Variants in AGBL1 observed in about 807,000 individuals in gnomAD.
AGBL1 encodes the protein cytosolic carboxypeptidase 4.
AGBL1 carries 130 observed loss-of-function variants against 118.9 expected under a neutral mutation model. That is an observed-to-expected ratio of 1.09 (90% confidence interval 0.95 to 1.26). AGBL1 has a LOEUF of 1.26. AGBL1 is among the 50% of genes most tolerant of loss of function. AGBL1 has a pLI of 0.00. For missense variants in AGBL1, 1,584 were observed against 1,298.1 expected (o/e 1.22, Z -3.38); for synonymous variants, 555 against 478.9 (o/e 1.16, Z -2.08).
At chr15:86,806,882 T>C (rs1363594618) in intron 22 of AGBL1, among the ~76,000 whole-genome samples, 2 of 151,932 alleles carry the variant, frequency 1.3e-5, no homozygotes, top group East Asian at 1.9e-4. Flanking sequence ...CTGTGTTATA[T>C]ACAATACGTG....
At position 86,466,821 on chromosome 15, in the gene AGBL1, G is replaced by A. The variant is rs184707532; in HGVS notation, c.2556-55989G>A. Among the ~76,000 whole-genome samples, 1,155 of 152,302 alleles carry A rather than the reference G, an allele frequency of 7.6e-3. 5 individuals are homozygous for A. Among genetic ancestry groups the A allele is most frequent in the Non-Finnish European group, 0.012 (829 of 68,032 alleles). On this transcript the variant is annotated intron_variant, in intron 18 of 22. Transcript: ENST00000614907. ...TCCTATATGCCTGGGTATCAGCAGT[G>A]GAGGCTGCAGAACAGCAAAAATTGC...
chr15:86,723,465 T>A (rs1336061042), intron 22 of AGBL1, among the ~76,000 whole-genome samples: 1 of 151,794 alleles, frequency 6.6e-6, no homozygotes, highest in Non-Finnish European at 1.5e-5. Flanking sequence ...TGAGAACACA[T>A]GGACACAGGA....
At chr15:86,317,408 G>T (rs2080030284) in intron 17 of AGBL1, among the ~76,000 whole-genome samples, 1 of 152,208 alleles carries the variant, frequency 6.6e-6, no homozygotes, top group Admixed American at 6.5e-5. Context: ...GAAGCAATGA[G>T]AGAAAGGAAG....
chr15:86,573,984 CA>C (rs2084046209), intron 21 of AGBL1, among the ~76,000 whole-genome samples: 1 of 152,024 alleles, frequency 6.6e-6, no homozygotes, highest in Admixed American at 6.6e-5. Flanking sequence ...AAAACATTTT[CA>C]TAAACTTTAT....
intron 17 of AGBL1, among the ~76,000 whole-genome samples, chr15:86,327,989 AT>A (rs2080210305): frequency 6.6e-6 from 1 of 152,230 alleles, no homozygotes; most frequent in Admixed American, 6.5e-5. Context: ...CCATACCTAT[AT>A]GAGCAAGCTT....
chr15:86,225,188 A>T (rs889961445), intron 6 of AGBL1, among the ~76,000 whole-genome samples: 2 of 152,040 alleles, frequency 1.3e-5, no homozygotes, highest in African/African-American at 4.8e-5. Flanking sequence ...AATAAATATT[A>T]TCCATACACA....
intron 17 of AGBL1, among the ~76,000 whole-genome samples, chr15:86,349,405 A>G (rs1252080322): frequency 2.6e-5 from 4 of 152,192 alleles, no homozygotes; most frequent in African/African-American, 9.7e-5. Flanking sequence ...TCTTAAGTCT[A>G]TAGGTCTCCT....
intron 17 of AGBL1, among the ~76,000 whole-genome samples, chr15:86,322,573 T>C (rs557599792): frequency 6.6e-6 from 1 of 152,340 alleles, no homozygotes; most frequent in South Asian, 2.1e-4. Flanking sequence ...CTAGTTTTTA[T>C]TTGTAATATC....
chr15:86,169,029 G>A (rs1047368342), intron 5 of AGBL1, among the ~76,000 whole-genome samples: 2 of 152,204 alleles, frequency 1.3e-5, no homozygotes, highest in African/African-American at 4.8e-5. Flanking sequence ...ACGAAGGGCA[G>A]TGATTCCTGA....
intron 22 of AGBL1, among the ~76,000 whole-genome samples, chr15:86,797,648 A>G (rs1483281790): frequency 6.6e-6 from 1 of 151,468 alleles, no homozygotes; most frequent in African/African-American, 2.5e-5. Flanking sequence ...TGGAAGAATG[A>G]CAGAGTGTCT....
rs921765257 is a variant in AGBL1 at position 86,213,218 on chromosome 15, T to C, written c.489-11696T>C. Among the ~76,000 whole-genome samples the C allele has an allele frequency of 2.6e-5, 4 of 152,344 alleles. No individual in the cohort carries two copies. In the East Asian group the frequency reaches 7.7e-4, roughly 29 times the overall value. On this transcript the variant is annotated intron_variant, in intron 5 of 22. Transcript: ENST00000614907. ...TTTATTTAGGAAAGAAGAATGTTTA[T>C]GAAATCTTTTCTTGGAGTTCCGCAA...
intron 22 of AGBL1, among the ~76,000 whole-genome samples, chr15:86,738,943 G>T (rs533751201): frequency 6.6e-6 from 1 of 151,846 alleles, no homozygotes; most frequent in South Asian, 2.1e-4. Flanking sequence ...TTTGAGACCA[G>T]CCTAGGAAAC....
At chr15:86,846,722 A>C (rs1596545734) in intron 22 of AGBL1, among the ~76,000 whole-genome samples, 1 of 152,028 alleles carries the variant, frequency 6.6e-6, no homozygotes, top group Admixed American at 6.6e-5. Context: ...AGTAGAGACG[A>C]GGTTTCACTG....
At chr15:86,853,148 A>T (rs1218664045) in intron 22 of AGBL1, among the ~76,000 whole-genome samples, 1 of 152,218 alleles carries the variant, frequency 6.6e-6, no homozygotes, top group Non-Finnish European at 1.5e-5. Context: ...CCAGATGACC[A>T]GTCAAGTTTT....
intron 21 of AGBL1, among the ~76,000 whole-genome samples, chr15:86,575,377 G>A (rs1346693836): frequency 2.0e-5 from 3 of 151,692 alleles, no homozygotes; most frequent in Non-Finnish European, 4.4e-5. Context: ...GGACCCACCT[G>A]AGGTTTTGGC....
chr15:86,528,256 G>A (rs1160511016), intron 19 of AGBL1, among the ~76,000 whole-genome samples: 3 of 152,184 alleles, frequency 2.0e-5, no homozygotes, highest in Non-Finnish European at 4.4e-5. Flanking sequence ...TGCACGCACC[G>A]GGCGCGAACC....
At chr15:86,881,138 A>C (rs1222853576) in intron 22 of AGBL1, among the ~76,000 whole-genome samples, 1 of 152,220 alleles carries the variant, frequency 6.6e-6, no homozygotes, top group African/African-American at 2.4e-5. Flanking sequence ...ATTTTGCAAC[A>C]TGGGGAGTCT....
At chr15:86,791,687 A>G (rs1375849849) in intron 22 of AGBL1, among the ~76,000 whole-genome samples, 1 of 151,262 alleles carries the variant, frequency 6.6e-6, no homozygotes. Flanking sequence ...TGATCTTTGC[A>G]ATAGTATCAG....
chr15:86,602,123 C>T (rs1358629497), intron 21 of AGBL1, among the ~76,000 whole-genome samples: 1 of 151,148 alleles, frequency 6.6e-6, no homozygotes, highest in African/African-American at 2.4e-5. Context: ...CTCCATTTTT[C>T]TTTCTTTAAA....
Sources: gnomAD v4.1 joint callset for allele counts (sites outside exome capture counted in the v4.1 genomes callset) on GRCh38, gnomAD v4.1.1 for gene constraint, MANE v1.5 for transcripts, NCBI Gene and HGNC (gene_info 2026-07-23, HGNC 2026-07-21) for gene names.